Variants in PPFIA4 observed in about 807,000 individuals in gnomAD.
PPFIA4 encodes liprin-alpha-4.
PPFIA4 carries 98 observed loss-of-function variants against 145.7 expected under a neutral mutation model. The observed-to-expected ratio is 0.67, with a 90% CI of 0.57 to 0.80. The LOEUF (loss-of-function observed/expected upper bound fraction) is 0.80, where lower values mean the gene tolerates loss of function less well. PPFIA4 is among the 30% of genes least tolerant of loss of function. PPFIA4 has a pLI of 0.00. For synonymous variants in PPFIA4, 628 were observed against 649.6 expected, an observed-to-expected ratio of 0.97 and a Z score of 0.51; for missense variants, 1,457 against 1,632.7, an observed-to-expected ratio of 0.89 and a Z score of 1.85.
chr1:203,064,099 C>G (rs1661576642), intron 25 of PPFIA4, 96 bp downstream of exon 25: 1 of 1,367,438 alleles, frequency 7.3e-7, no homozygotes, highest in African/African-American at 1.4e-5. Flanking sequence ...CCATCTCTTT[C>G]CGTGGTCTGT....
At chr1:203,063,683 A>C (rs1661543280) in intron 24 of PPFIA4, 145 bp from the exon 25 acceptor site, 2 of 728,712 alleles carry the variant, frequency 2.7e-6, no homozygotes, top group East Asian at 5.4e-5. Flanking sequence ...CCCTTATTGA[A>C]GATAAACTGA....
intron 14 of PPFIA4, 70 bp downstream of exon 14, chr1:203,051,947 C>A (rs1003030902): frequency 6.6e-7 from 1 of 1,526,206 alleles, no homozygotes; most frequent in Non-Finnish European, 8.9e-7. Context: ...TCCAGTTACG[C>A]AGACGGCTGG....
At chr1:203,030,548 C>T (rs1006598742) in intron 1 of PPFIA4, among the ~76,000 whole-genome samples, 2 of 152,136 alleles carry the variant, frequency 1.3e-5, no homozygotes, top group Non-Finnish European at 2.9e-5. Flanking sequence ...GGCCCCAGTT[C>T]CATGACTTCA....
chr1:203,053,863 G>A lies in PPFIA4; in HGVS notation c.1731G>A (p.Val577=), dbSNP rs374366265. 24 of 1,557,398 alleles carry A rather than the reference G, an allele frequency of 1.5e-5. No individual in the cohort carries two copies. The highest frequency in any genetic ancestry group is 7.1e-5 in the South Asian group (6 of 84,374). The part of the protein sequence containing the change: ...DVDEDEPGGL[V]GSADVVSPSG... ...ATGAGGATGAGCCAGGGGGTCTGGT[G>A]GGCTCTGCGGATGTTGTCTCCCCCA... Residue 577 remains valine (V), a synonymous_variant, in exon 15 of 30, where the codon GTG becomes GTA. Coordinates refer to ENST00000295706, the MANE Select transcript of PPFIA4 (RefSeq NM_001304331.2).
At chr1:203,041,776 C>A (rs1009346696) in intron 2 of PPFIA4, among the ~76,000 whole-genome samples, 1 of 149,476 alleles carries the variant, frequency 6.7e-6, no homozygotes, top group Non-Finnish European at 1.5e-5. Context: ...GGCTGGGTGG[C>A]AGGCTGTCAA....
Position 203,048,179 on chromosome 1 carries a change from A to C in PPFIA4, c.1141-48A>C, listed in dbSNP as rs1347271590. ...GGTGCAGGGGATGCGGGGCCTGAGC[A>C]GGAAGAACAGAGATCTGCGGGCTGC... On this transcript the variant is annotated intron_variant, in intron 9 of 29. Coordinates refer to ENST00000295706, the MANE Select transcript of PPFIA4 (RefSeq NM_001304331.2). The surrounding 1 kb of genome is among the most constrained non-coding windows in gnomAD (Gnocchi z 5.8). 1 of 1,584,764 alleles carries C rather than the reference A, an allele frequency of 6.3e-7. No individual in the cohort carries two copies. Among genetic ancestry groups the C allele is most frequent in the African/African-American group, 1.3e-5 (1 of 74,282 alleles).
In PPFIA4 at chr1:203,068,485, C is replaced by T; in HGVS notation, c.3181C>T (p.His1061Tyr). 6.2e-7 allele frequency: 1 copy of T among 1,608,186 alleles called. No homozygotes were observed. Among genetic ancestry groups the T allele is most frequent in the Non-Finnish European group, 8.5e-7 (1 of 1,177,420 alleles). ...AGTCTGGACCAACGACCAGGTGGTT[C>T]ATTGGGTCCAGTCTATTGGGCTCCG... is the stretch of plus-strand genomic sequence containing the variant. ...VLVWTNDQVVHWVQSIGLRDY... is the reference protein window; with the variant it reads ...VLVWTNDQVVYWVQSIGLRDY... The change falls in exon 27 of 30, where the codon CAT (histidine) becomes TAT (tyrosine). Residue 1061 changes from histidine (H) to tyrosine (Y), a missense_variant. Around this residue, in one of 3 missense-constraint regions of PPFIA4, gnomAD observed 848 missense variants for 1,046.7 expected, o/e 0.81. Coordinates refer to ENST00000295706, the MANE Select transcript of PPFIA4 (RefSeq NM_001304331.2). The surrounding 1 kb of genome is among the most constrained non-coding windows in gnomAD (Gnocchi z 4.7).
At chr1:203,031,509 T>A (rs1359474405) in intron 1 of PPFIA4, among the ~76,000 whole-genome samples, 1 of 149,478 alleles carries the variant, frequency 6.7e-6, no homozygotes, top group African/African-American at 2.4e-5. Context: ...CACATACTAA[T>A]GCACATTTTT....
At chr1:203,028,343 T>TG (rs1176976004) in intron 1 of PPFIA4, among the ~76,000 whole-genome samples, 1 of 152,134 alleles carries the variant, frequency 6.6e-6, no homozygotes, top group Non-Finnish European at 1.5e-5. Context: ...AGTTGATTGC[T>TG]GAAATCTTAG....
At chr1:203,061,815 A>T in intron 24 of PPFIA4, 137 bp downstream of exon 24, 1 of 873,456 alleles carries the variant, frequency 1.1e-6, no homozygotes, top group Non-Finnish European at 1.7e-6. Flanking sequence ...CTCCCATCAG[A>T]GTGCCCCCCG....
chr1:203,074,485 C>A (rs147629139), intron 28 of PPFIA4, among the ~76,000 whole-genome samples: 1,615 of 152,112 alleles, frequency 0.011, 17 homozygotes, highest in Middle Eastern at 0.041. Flanking sequence ...ATGAAATAAT[C>A]TCATAAATAT....
At chr1:203,059,558 G>C (rs962618592) in intron 20 of PPFIA4, among the ~76,000 whole-genome samples, 3 of 152,182 alleles carry the variant, frequency 2.0e-5, no homozygotes, top group Non-Finnish European at 2.9e-5. Flanking sequence ...TGCAAACAGA[G>C]AGCTCCTCGC....
Position 203,039,232 on chromosome 1 carries a change from C to T in PPFIA4, c.224C>T (p.Ala75Val), listed in dbSNP as rs765065817. The T allele has an allele frequency of 5.4e-5, 86 of 1,587,468 alleles. No homozygotes were observed. Among genetic ancestry groups the T allele is most frequent in the Middle Eastern group, 1.7e-4 (1 of 5,726 alleles). ...RDQLQRHLNS[A>V]LPQEFATLTR... ...CAGCTCCAGCGCCACCTTAACTCCG[C>T]CCTCCCCCAGGTAAGGCCCGAAGGC... The change falls in exon 2 of 30, where the codon GCC becomes GTC. Residue 75 changes from alanine to valine, a missense_variant. Coordinates refer to ENST00000295706, the MANE Select transcript of PPFIA4 (RefSeq NM_001304331.2).
At chr1:203,069,454 T>C (rs1661972600) in intron 27 of PPFIA4, among the ~76,000 whole-genome samples, 1 of 152,244 alleles carries the variant, frequency 6.6e-6, no homozygotes, top group Non-Finnish European at 1.5e-5. Context: ...CTGATTGTAT[T>C]GCCTCTGGGC....
At chr1:203,071,250 A>G (rs574337562) in intron 27 of PPFIA4, among the ~76,000 whole-genome samples, 1 of 150,100 alleles carries the variant, frequency 6.7e-6, no homozygotes, top group East Asian at 2.0e-4. Flanking sequence ...GCTCACTGCA[A>G]GCTCCGCCTC....
chr1:203,050,966 G>A (rs1298301574), intron 13 of PPFIA4, among the ~76,000 whole-genome samples: 1 of 151,906 alleles, frequency 6.6e-6, no homozygotes, highest in African/African-American at 2.4e-5. Context: ...TGAGTTGCAG[G>A]GAGAAAAGGG....
At chr1:203,071,056 A>G (rs886592083) in intron 27 of PPFIA4, among the ~76,000 whole-genome samples, 3 of 150,980 alleles carry the variant, frequency 2.0e-5, no homozygotes, top group African/African-American at 7.3e-5. Context: ...GGATCAAGCT[A>G]TCCTCCTGCC....
rs866545862 is a variant in PPFIA4, at chr1:203,053,924, C to A, written c.1792C>A (p.Leu598Met). Reference protein sequence around the residue: ...HSDAQTLAMMLQEQLDAINEE... With the variant: ...HSDAQTLAMMMQEQLDAINEE... ...AGATGCCCAGACCCTGGCCATGATG[C>A]TGCAGGAGCAGCTGGATGCCATCAA... The change falls in exon 15 of 30, where the codon CTG becomes ATG. Residue 598 changes from leucine (L) to methionine (M), a missense_variant. Physicochemically the swap from Leu to Met is conservative, Grantham distance 15. This residue lies in a region of PPFIA4 where 848 missense variants were observed against 1,046.7 expected (regional missense o/e 0.81). Coordinates refer to ENST00000295706, the MANE Select transcript of PPFIA4 (RefSeq NM_001304331.2). The A allele has an allele frequency of 5.7e-6, 9 of 1,567,582 alleles. No individual in the cohort carries two copies. The highest frequency in any genetic ancestry group is 7.8e-6 in the Non-Finnish European group (9 of 1,155,858).
intron 1 of PPFIA4, chr1:203,034,452 G>A (rs1659071042): frequency 2.2e-6 from 1 of 455,902 alleles, no homozygotes; most frequent in Non-Finnish European, 4.4e-6. Flanking sequence ...CTGAGGCATG[G>A]GCAGCTGGGC....
Sources: allele counts gnomAD v4.1 joint callset (sites outside exome capture counted in the v4.1 genomes callset), GRCh38; gene constraint gnomAD v4.1.1; regional missense constraint gnomAD v4.1.1; non-coding constraint Gnocchi (gnomAD v3.1); transcripts MANE v1.5; gene names NCBI Gene and HGNC (gene_info 2026-07-23, HGNC 2026-07-21).